SSTR5: variants seen among roughly 807,000 people sequenced by gnomAD.
SSTR5 encodes somatostatin receptor 5.
In SSTR5, 1 loss-of-function variant was observed where a neutral mutation model predicts 0.3. The observed-to-expected ratio is 2.98, with a 90% CI of 1.06 to 14.15. The LOEUF is 14.15. Among genes scored for constraint, SSTR5 ranks in the 30% most tolerant of loss-of-function variants. The pLI is 0.12. For missense variants in SSTR5, 516 were observed against 543.2 expected (o/e 0.95, Z 0.50); for synonymous variants, 256 against 263.1 (o/e 0.97, Z 0.26).
chr16:1,073,067 G>GC (rs1389361138), intron 1 of SSTR5: 2 of 152,140 alleles, frequency 1.3e-5, no homozygotes, highest in African/African-American at 2.4e-5. Flanking sequence ...CCCATCTCCT[G>GC]CCCCCACCCC....
At chr16:1,076,392 G>GTCT (rs1311803761) in intron 1 of SSTR5, among the ~76,000 whole-genome samples, 1 of 141,426 alleles carries the variant, frequency 7.1e-6, no homozygotes, top group African/African-American at 2.7e-5. Context: ...TCCCTGCTGA[G>GTCT]GATTCTGCTG....
chr16:1,076,726 T>C (rs1008993444), intron 1 of SSTR5, among the ~76,000 whole-genome samples: 9 of 151,666 alleles, frequency 5.9e-5, no homozygotes, highest in African/African-American at 2.2e-4. Flanking sequence ...TTTGTAGTGT[T>C]TTTTTCCACT....
chr16:1,077,148 G>A (rs1413212505), intron 1 of SSTR5, among the ~76,000 whole-genome samples: 3 of 152,196 alleles, frequency 2.0e-5, no homozygotes, highest in African/African-American at 4.8e-5. Context: ...AGCCAGGACT[G>A]TGGCCTTTCC....
At position 1,079,004 on chromosome 16, in the gene SSTR5, C is replaced by A; in HGVS notation, c.136C>A (p.Leu46Met). 1 of 1,599,252 alleles carries A rather than the reference C, an allele frequency of 6.3e-7. No homozygotes were observed. Among genetic ancestry groups the A allele is most frequent in the South Asian group, 1.1e-5 (1 of 89,980 alleles). ...AGARAVLVPV[L>M]YLLVCAAGLG... ...GGCCCGGGCGGTGCTGGTGCCCGTG[C>A]TGTACCTGCTGGTGTGTGCGGCCGG... Residue 46 changes from leucine to methionine, a missense_variant, in exon 2 of 2, where the codon CTG becomes ATG. Physicochemically the swap from Leu to Met is conservative, Grantham distance 15. Transcript: ENST00000689027.
At position 1,080,785 on chromosome 16, in the gene SSTR5, C is replaced by T. The variant is rs1482706517; in HGVS notation, c.*822C>T. ...GATGGCTGTGCCGTGCTGAGATTGG[C>T]TCTGTCTGGAGGGGTCCAGTGTGGG... On this transcript the variant is annotated 3_prime_UTR_variant, in exon 2 of 2. Coordinates refer to ENST00000689027, the MANE Select transcript of SSTR5 (RefSeq NM_001172560.3). Among the ~76,000 whole-genome samples the T allele has an allele frequency of 6.6e-6, 1 of 152,166 alleles. No individual in the cohort carries two copies. The highest frequency in any genetic ancestry group is 1.5e-5 in the Non-Finnish European group (1 of 68,008).
rs1749155427 is a variant in SSTR5, at chr16:1,080,767, G to A, written c.*804G>A. 6.6e-6 allele frequency among the ~76,000 whole-genome samples: 1 copy of A among 152,186 alleles called. No homozygotes were observed. The highest frequency in any genetic ancestry group is 2.1e-4 in the South Asian group (1 of 4,836). Reference sequence around the variant, plus strand: ...CAGGCTGCTGGGGGTGCAGATGGCTGTGCCGTGCTGAGATTGGCTCTGTCT... The same window carrying A: ...CAGGCTGCTGGGGGTGCAGATGGCTATGCCGTGCTGAGATTGGCTCTGTCT... On this transcript the variant is annotated 3_prime_UTR_variant, in exon 2 of 2. Transcript: ENST00000689027.
chr16:1,074,772 G>A (rs1390227215), intron 1 of SSTR5, among the ~76,000 whole-genome samples: 2 of 152,226 alleles, frequency 1.3e-5, no homozygotes, highest in African/African-American at 4.8e-5. Flanking sequence ...GAGTTGTGGG[G>A]TGGGGGCAGG....
chr16:1,079,345 G>A lies in SSTR5; in HGVS notation c.477G>A (p.Ala159=), dbSNP rs370872680. ...RWRRPRVAKL[A]SAAAWVLSLC... is the part of the protein sequence containing the mutation. Reference sequence around the variant, plus strand: ...GCCGCCCGCGTGTGGCCAAGCTGGCGAGCGCCGCGGCCTGGGTCCTGTCTC... The same window carrying A: ...GCCGCCCGCGTGTGGCCAAGCTGGCAAGCGCCGCGGCCTGGGTCCTGTCTC... The change falls in exon 2 of 2, where the codon GCG becomes GCA. Residue 159 remains alanine (A), a synonymous_variant. Transcript: ENST00000689027. The A allele has an allele frequency of 3.9e-5, 62 of 1,603,346 alleles. No homozygotes were observed. Among genetic ancestry groups the A allele is most frequent in the Admixed American group, 3.0e-4 (18 of 59,260 alleles).
chr16:1,076,465 G>A (rs990945463), intron 1 of SSTR5, among the ~76,000 whole-genome samples: 50 of 150,112 alleles, frequency 3.3e-4, no homozygotes, highest in African/African-American at 1.1e-3. Context: ...TCTGGCTGGC[G>A]TCCCTGCCCA....
Position 1,079,469 on chromosome 16 carries a change from TTCA to T in SSTR5, c.607_609del (p.Ile203del). On this transcript the variant is annotated inframe_deletion, in exon 2 of 2. Coordinates refer to ENST00000689027, the MANE Select transcript of SSTR5 (RefSeq NM_001172560.3). ...GCCCGTGGGGCTGTGGGGCGCCGTCTTCATCATCTACACGGCCGTGCTGGGCTT... is the reference window on the plus strand; with the variant it reads ...GCCCGTGGGGCTGTGGGGCGCCGTCTTCATCTACACGGCCGTGCTGGGCTT... 6.2e-7 allele frequency: 1 copy of T among 1,609,872 alleles called. No homozygotes were observed. Among genetic ancestry groups the T allele is most frequent in the Non-Finnish European group, 8.5e-7 (1 of 1,178,602 alleles).
intron 1 of SSTR5, among the ~76,000 whole-genome samples, chr16:1,077,211 G>A (rs1447142776): frequency 2.0e-5 from 3 of 152,148 alleles, no homozygotes; most frequent in Non-Finnish European, 4.4e-5. Context: ...GGTCAGGGCC[G>A]GTCAGCTGAG....
intron 1 of SSTR5, among the ~76,000 whole-genome samples, chr16:1,076,380 C>T (rs976400237): frequency 1.1e-4 from 16 of 142,636 alleles, no homozygotes; most frequent in Non-Finnish European, 2.0e-4. Context: ...GCCACTGCTC[C>T]GTCCCTGCTG....
intron 1 of SSTR5, among the ~76,000 whole-genome samples, chr16:1,077,329 G>T (rs1433717467): frequency 6.6e-6 from 1 of 152,200 alleles, no homozygotes; most frequent in Non-Finnish European, 1.5e-5. Context: ...TGGATCCTAG[G>T]GGACACTTTG....
In SSTR5 at chr16:1,080,115, C is replaced by A; in HGVS notation, c.*152C>A. ...AAGCCAGGCTGGGGTAGACACAGGG[C>A]AGTAGGTTCCCCACCGTGACCGACC... is the stretch of plus-strand genomic sequence containing the variant. On this transcript the variant is annotated 3_prime_UTR_variant, in exon 2 of 2. Coordinates refer to ENST00000689027, the MANE Select transcript of SSTR5 (RefSeq NM_001172560.3). 9.6e-7 allele frequency: 1 copy of A among 1,045,812 alleles called. No individual in the cohort carries two copies. The highest frequency in any genetic ancestry group is 1.4e-6 in the Non-Finnish European group (1 of 733,804). 64.8% of individuals were successfully genotyped at this position (1,045,812 alleles called of 1,614,324 possible). A position where few individuals can be genotyped will look rare whatever the true frequency, so the allele number is the denominator to read the frequency against.
intron 1 of SSTR5, 123 bp from the exon 2 acceptor site, chr16:1,078,719 A>G: frequency 2.3e-6 from 2 of 857,042 alleles, no homozygotes; most frequent in African/African-American, 1.7e-5. Context: ...AACATGACTA[A>G]TCGTGTTTAC....
Position 1,081,315 on chromosome 16 carries a change from G to A in SSTR5, c.*1352G>A. On this transcript the variant is annotated 3_prime_UTR_variant, in exon 2 of 2. Transcript: ENST00000689027. Reference sequence around the variant, plus strand: ...CAGAGCAGGACCTCAACCTCCTGGAGGGCACAGGGAGCGGCTGAGTGGGCA... The same window carrying A: ...CAGAGCAGGACCTCAACCTCCTGGAAGGCACAGGGAGCGGCTGAGTGGGCA... 1 of 354,346 alleles carries A rather than the reference G, an allele frequency of 2.8e-6. No individual in the cohort carries two copies. The highest frequency in any genetic ancestry group is 5.8e-6 in the Non-Finnish European group (1 of 171,166). The allele number at this position is 354,346 out of a possible 1,614,324, so 22.0% of individuals were successfully genotyped here.
At position 1,080,033 on chromosome 16, in the gene SSTR5, C is replaced by T. The variant is rs954922154; in HGVS notation, c.*70C>T. 3.4e-6 allele frequency: 5 copies of T among 1,481,540 alleles called. No individual in the cohort carries two copies. In the African/African-American group the frequency reaches 7.0e-5, roughly 21 times the overall value. 91.8% of individuals were successfully genotyped at this position (1,481,540 alleles called of 1,614,324 possible). ...GGAGGTTGCACTGCGGTGACCCCCA[C>T]CCATGACCTGCCAGTCAGGATGCTC... On this transcript the variant is annotated 3_prime_UTR_variant, in exon 2 of 2. Coordinates refer to ENST00000689027, the MANE Select transcript of SSTR5 (RefSeq NM_001172560.3).
intron 1 of SSTR5, among the ~76,000 whole-genome samples, chr16:1,074,241 T>C (rs1409314332): frequency 2.0e-5 from 3 of 152,162 alleles, no homozygotes; most frequent in Non-Finnish European, 2.9e-5. Flanking sequence ...TTAGCTAGGG[T>C]GTCCCCCGAC....
intron 1 of SSTR5, among the ~76,000 whole-genome samples, chr16:1,073,947 C>T (rs1321212833): frequency 6.6e-6 from 1 of 152,214 alleles, no homozygotes; most frequent in Non-Finnish European, 1.5e-5. Flanking sequence ...GTTCGCGGAG[C>T]ACGCGGGACC....
Sources: allele counts gnomAD v4.1 joint callset (sites outside exome capture counted in the v4.1 genomes callset), GRCh38; gene constraint gnomAD v4.1.1; transcripts MANE v1.5; gene names NCBI Gene and HGNC (gene_info 2026-07-23, HGNC 2026-07-21).